Variants in PDIA5 observed in about 807,000 individuals in gnomAD.
PDIA5 encodes the protein protein disulfide-isomerase A5.
PDIA5 carries 58 observed loss-of-function variants against 77.6 expected under a neutral mutation model. The ratio of observed to expected loss-of-function variants is 0.75; its 90% CI spans 0.61 to 0.93. The LOEUF is 0.93. PDIA5 is among the 40% of genes least tolerant of loss of function. PDIA5 has a pLI of 0.00. For synonymous variants in PDIA5, 250 were observed against 252.1 expected (o/e 0.99, Z 0.08); for missense variants, 630 against 647.7 (o/e 0.97, Z 0.30).
chr3:123,106,945 G>T (rs2107937770), intron 6 of PDIA5, 104 bp downstream of exon 6: 2 of 779,674 alleles, frequency 2.6e-6, no homozygotes, highest in East Asian at 5.0e-5. Flanking sequence ...ACTATTCCAG[G>T]ATCACTTGTA....
chr3:123,138,655 G>A lies in PDIA5; in HGVS notation c.911-6867G>A, dbSNP rs193225346. On this transcript the variant is annotated intron_variant, in intron 11 of 16. Coordinates refer to ENST00000316218, the MANE Select transcript of PDIA5 (RefSeq NM_006810.4). ...GTGATGAATAGAGGCATCTGTGAGT[G>A]TGTGAGTCTGCCCCAAGATGCCTGT... 3.6e-3 allele frequency among the ~76,000 whole-genome samples: 550 copies of A among 152,334 alleles called. 3 individuals are homozygous for A. The highest frequency in any genetic ancestry group is 0.013 in the African/African-American group (530 of 41,568).
At chr3:123,145,096 G>A in intron 11 of PDIA5, 1 of 161,274 alleles carries the variant, frequency 6.2e-6, no homozygotes, top group Non-Finnish European at 1.3e-5. Context: ...CACGCTGCCT[G>A]CAGCTAGGGC....
intron 15 of PDIA5, among the ~76,000 whole-genome samples, chr3:123,155,396 T>C (rs1935998080): frequency 6.6e-6 from 1 of 152,242 alleles, no homozygotes; most frequent in South Asian, 2.1e-4. Context: ...AAAAGTCAAC[T>C]GGAGGATGCC....
intron 11 of PDIA5, among the ~76,000 whole-genome samples, chr3:123,140,462 A>G (rs1370441695): frequency 1.3e-5 from 2 of 152,236 alleles, no homozygotes; most frequent in African/African-American, 2.4e-5. Flanking sequence ...TGCCATAGAA[A>G]TATCTGAATA....
At chr3:123,097,741 G>A (rs1560511178) in intron 3 of PDIA5, among the ~76,000 whole-genome samples, 2 of 150,026 alleles carry the variant, frequency 1.3e-5, no homozygotes, top group South Asian at 2.1e-4. Flanking sequence ...CACTTTCTAC[G>A]TTTCTTCTCC....
At chr3:123,156,448 G>T (rs560337392) in intron 15 of PDIA5, among the ~76,000 whole-genome samples, 27 of 152,284 alleles carry the variant, frequency 1.8e-4, no homozygotes, top group African/African-American at 6.0e-4. Flanking sequence ...CTTCCTTCCC[G>T]TGTCCATGTC....
intron 8 of PDIA5, among the ~76,000 whole-genome samples, chr3:123,121,107 T>G (rs1488163094): frequency 6.6e-6 from 1 of 152,244 alleles, no homozygotes; most frequent in African/African-American, 2.4e-5. Flanking sequence ...TCACTCAGCC[T>G]TTTCTTTCAT....
At chr3:123,100,114 C>T (rs1282231455) in intron 3 of PDIA5, among the ~76,000 whole-genome samples, 2 of 152,222 alleles carry the variant, frequency 1.3e-5, no homozygotes, top group South Asian at 4.1e-4. Context: ...GTCACAGAAA[C>T]AGTGGAGCAT....
At chr3:123,106,689 C>A (rs1044187681) in intron 5 of PDIA5, 60 bp from the exon 6 acceptor site, 6 of 1,217,342 alleles carry the variant, frequency 4.9e-6, no homozygotes, top group Non-Finnish European at 7.3e-6. Context: ...GTTCCTGATT[C>A]CCCCACCTCC....
chr3:123,135,166 A>C (rs371458980), intron 11 of PDIA5, among the ~76,000 whole-genome samples: 65 of 152,276 alleles, frequency 4.3e-4, no homozygotes, highest in African/African-American at 1.5e-3. Context: ...GTGGCCACTC[A>C]TCTCCTCTTG....
Position 123,092,366 on chromosome 3 carries a change from G to A in PDIA5, c.181G>A (p.Glu61Lys). ...VLYSKSEVAA[E>K]NHLRLLSTVA... ...TTTTTTTTTTACAGAGGTGGCAGCT[G>A]AAAATCATCTCAGGTTACTGTCCAC... The change falls in exon 3 of 17, where the codon GAA (glutamate) becomes AAA (lysine). Residue 61 changes from glutamate to lysine, a missense_variant. Physicochemically the swap from Glu to Lys is moderately conservative, Grantham distance 56 (BLOSUM62 1). Coordinates refer to ENST00000316218, the MANE Select transcript of PDIA5 (RefSeq NM_006810.4). The A allele has an allele frequency of 6.2e-7, 1 of 1,613,308 alleles. No homozygotes were observed. The highest frequency in any genetic ancestry group is 8.5e-7 in the Non-Finnish European group (1 of 1,179,418).
intron 11 of PDIA5, among the ~76,000 whole-genome samples, chr3:123,137,325 A>G (rs1296746799): frequency 2.0e-5 from 3 of 152,208 alleles, no homozygotes; most frequent in Admixed American, 2.0e-4. Flanking sequence ...TGGACCACCT[A>G]TTCATACACT....
At chr3:123,080,759 G>T (rs1933978364) in intron 1 of PDIA5, among the ~76,000 whole-genome samples, 1 of 152,178 alleles carries the variant, frequency 6.6e-6, no homozygotes, top group East Asian at 1.9e-4. Context: ...AGATCTATTT[G>T]TGTGTGCCAG....
At chr3:123,070,558 G>C (rs1330431356) in intron 1 of PDIA5, among the ~76,000 whole-genome samples, 1 of 152,222 alleles carries the variant, frequency 6.6e-6, no homozygotes, top group Non-Finnish European at 1.5e-5. Flanking sequence ...AGAGCTTCCA[G>C]GCTGGGTGTC....
At chr3:123,111,762 A>G (rs1273674623) in intron 7 of PDIA5, among the ~76,000 whole-genome samples, 2 of 152,266 alleles carry the variant, frequency 1.3e-5, no homozygotes, top group Non-Finnish European at 1.5e-5. Context: ...TACTAGAAGT[A>G]TATATAAATT....
chr3:123,161,254 T>C (rs1936153470), intron 15 of PDIA5, 67 bp from the exon 16 acceptor site: 2 of 1,523,364 alleles, frequency 1.3e-6, no homozygotes, highest in Admixed American at 1.9e-5. Context: ...ATGTGCAATC[T>C]GTGTTGTGGG....
intron 11 of PDIA5, among the ~76,000 whole-genome samples, chr3:123,137,330 T>C (rs945458618): frequency 5.9e-5 from 9 of 152,264 alleles, no homozygotes; most frequent in African/African-American, 1.9e-4. Flanking sequence ...CACCTATTCA[T>C]ACACTTTGCT....
intron 5 of PDIA5, among the ~76,000 whole-genome samples, chr3:123,103,198 A>T (rs1934646563): frequency 6.6e-6 from 1 of 152,194 alleles, no homozygotes; most frequent in African/African-American, 2.4e-5. Context: ...CTTTGGGCTG[A>T]TGCAGCTTGT....
intron 8 of PDIA5, among the ~76,000 whole-genome samples, chr3:123,122,451 A>T (rs1374100832): frequency 6.6e-6 from 1 of 152,178 alleles, no homozygotes; most frequent in Non-Finnish European, 1.5e-5. Context: ...TAGGAAAAAA[A>T]AAACAGTGAA....
Sources: allele counts gnomAD v4.1 joint callset (sites outside exome capture counted in the v4.1 genomes callset), GRCh38; gene constraint gnomAD v4.1.1; transcripts MANE v1.5; gene names NCBI Gene and HGNC (gene_info 2026-07-23, HGNC 2026-07-21).